The following GUCY1A1 variants were observed in gnomAD, a reference collection of about 807,000 sequenced individuals.
GUCY1A1 encodes guanylate cyclase soluble subunit alpha-1.
Under a neutral mutation model 64.5 loss-of-function variants are expected in GUCY1A1, and 48 were observed. The observed-to-expected ratio is 0.74, with a 90% CI of 0.59 to 0.95. GUCY1A1 has a LOEUF of 0.95. Among genes scored for constraint, GUCY1A1 ranks in the 40% least tolerant of loss-of-function variants. GUCY1A1 has a pLI of 0.00. For missense variants in GUCY1A1, 804 were observed against 825.3 expected (o/e 0.97, Z 0.32); for synonymous variants, 308 against 303.4 (o/e 1.02, Z -0.16).
At chr4:155,684,205 G>T (rs1389256114) in intron 2 of GUCY1A1, among the ~76,000 whole-genome samples, 4 of 152,310 alleles carry the variant, frequency 2.6e-5, no homozygotes, top group African/African-American at 7.2e-5. Flanking sequence ...GGCATTAAAA[G>T]AATATAGTTG....
At chr4:155,690,307 TTC>T (rs1398299235) in intron 2 of GUCY1A1, among the ~76,000 whole-genome samples, 1 of 152,162 alleles carries the variant, frequency 6.6e-6, no homozygotes. Flanking sequence ...GGCCTGCGGA[TTC>T]TCTCTCAGAA....
In GUCY1A1 at chr4:155,722,023, AT is replaced by A; in HGVS notation, c.1717-9del. Reference sequence around the variant, plus strand: ...TACCAGTGACTGGGAACATCATGTTATTTTTTGCTTTCAGATGCGAATTGGA... The same window carrying A: ...TACCAGTGACTGGGAACATCATGTTATTTTTGCTTTCAGATGCGAATTGGA... On this transcript the variant is annotated splice_polypyrimidine_tract_variant and intron_variant, in intron 8 of 9. Coordinates refer to ENST00000506455, the MANE Select transcript of GUCY1A1 (RefSeq NM_001130682.3). 1.3e-6 allele frequency: 2 copies of A among 1,570,346 alleles called. No homozygotes were observed.
intron 9 of GUCY1A1, among the ~76,000 whole-genome samples, chr4:155,727,653 G>A (rs71605262): frequency 0.038 from 5,750 of 151,128 alleles, 136 homozygotes; most frequent in Middle Eastern, 0.075. Flanking sequence ...ATACATTTTT[G>A]TATTTAATTT....
rs145099836 is a variant in GUCY1A1, at chr4:155,697,151, T to C, written c.255+29T>C. 2.5e-5 allele frequency: 38 copies of C among 1,550,282 alleles called. No homozygotes were observed. In the East Asian group the frequency reaches 8.1e-4, roughly 33 times the overall value. ...AGTGCGTGCTCTTTAGATTTTGAAA[T>C]TGTAATACTTTGAAATTGTAGAAGA... On this transcript the variant is annotated intron_variant, in intron 3 of 9. Transcript: ENST00000506455.
At position 155,682,366 on chromosome 4, in the gene GUCY1A1, A is replaced by T. The variant is rs1254408794; in HGVS notation, c.-112-14390A>T. The stretch of plus-strand genomic sequence containing the variant: ...TATTGTAGCCATTAGCTATTTAATA[A>T]AATTTCTTATATATACATAAGAAAA... On this transcript the variant is annotated intron_variant, in intron 2 of 9. Coordinates refer to ENST00000506455, the MANE Select transcript of GUCY1A1 (RefSeq NM_001130682.3). 2.0e-5 allele frequency among the ~76,000 whole-genome samples: 3 copies of T among 152,186 alleles called. No individual in the cohort carries two copies. In the East Asian group the frequency reaches 5.8e-4, roughly 29 times the overall value.
At chr4:155,729,215 A>G (rs17378851) in intron 9 of GUCY1A1, among the ~76,000 whole-genome samples, 5,756 of 151,874 alleles carry the variant, frequency 0.038, 139 homozygotes, top group Middle Eastern at 0.075. Flanking sequence ...TTGGTTGAGA[A>G]CCCACAGCCA....
intron 8 of GUCY1A1, among the ~76,000 whole-genome samples, chr4:155,721,650 AT>A (rs1439570937): frequency 6.6e-6 from 1 of 152,140 alleles, no homozygotes; most frequent in Non-Finnish European, 1.5e-5. Flanking sequence ...TGGGAAAATG[AT>A]TCCAGGAGTC....
intron 4 of GUCY1A1, among the ~76,000 whole-genome samples, chr4:155,707,604 TA>T (rs113865416): frequency 0.012 from 1,667 of 142,336 alleles, 10 homozygotes; most frequent in African/African-American, 0.032. Context: ...GATATAAAGG[TA>T]AAAAAAAAAA....
At chr4:155,669,610 A>C (rs1228975837) in intron 2 of GUCY1A1, among the ~76,000 whole-genome samples, 3 of 152,248 alleles carry the variant, frequency 2.0e-5, no homozygotes, top group East Asian at 3.9e-4. Flanking sequence ...TTGAAAAGCT[A>C]TTTTAATATT....
In GUCY1A1 at chr4:155,708,298, ATAGAATTGT is replaced by A. The variant is rs1732073783; in HGVS notation, c.376+6_376+14del. ...GCAGAGCAAGCAGTTGCAGCAGGTA[ATAGAATTGT>A]TTATGTAATTAGAAAGTATGCCATA... is the stretch of plus-strand genomic sequence containing the variant. On this transcript the variant is annotated splice_donor_5th_base_variant and intron_variant, in intron 5 of 9. Transcript: ENST00000506455. The A allele has an allele frequency of 1.0e-5, 15 of 1,495,766 alleles. No homozygotes were observed. The highest frequency in any genetic ancestry group is 1.7e-5 in the Admixed American group (1 of 59,220). The allele number at this position is 1,495,766 out of a possible 1,614,324, so 92.7% of individuals were successfully genotyped here. A position where few individuals can be genotyped will look rare whatever the true frequency, so the allele number is the denominator to read the frequency against.
Position 155,688,240 on chromosome 4 carries a change from CAAAA to C in GUCY1A1, c.-112-8504_-112-8501del, listed in dbSNP as rs879491708. On this transcript the variant is annotated intron_variant, in intron 2 of 9. Coordinates refer to ENST00000506455, the MANE Select transcript of GUCY1A1 (RefSeq NM_001130682.3). ...GAGACTCCTCAAACAAACAAACAAA[CAAAA>C]AAAAAAAAAAACTCATCATTACAGA... 6.9e-5 allele frequency among the ~76,000 whole-genome samples: 10 copies of C among 144,590 alleles called. No homozygotes were observed. In the South Asian group the frequency reaches 8.9e-4, roughly 13 times the overall value. The allele number at this position is 144,590 out of a possible 152,430, so 94.9% of individuals were successfully genotyped here. A position where few individuals can be genotyped will look rare whatever the true frequency, so the allele number is the denominator to read the frequency against.
Position 155,733,056 on chromosome 4 carries a change from T to C in GUCY1A1, c.*2825T>C, listed in dbSNP as rs1393443242. On this transcript the variant is annotated 3_prime_UTR_variant, in exon 10 of 10. Coordinates refer to ENST00000506455, the MANE Select transcript of GUCY1A1 (RefSeq NM_001130682.3). Reference sequence around the variant, plus strand: ...ACTTTGTAGGAAAATGCAAAGCGTATATTTAAGAAAACCTAAATAAGAATA... The same window carrying C: ...ACTTTGTAGGAAAATGCAAAGCGTACATTTAAGAAAACCTAAATAAGAATA... Among the ~76,000 whole-genome samples the C allele has an allele frequency of 6.6e-6, 1 of 151,908 alleles. No homozygotes were observed. Among genetic ancestry groups the C allele is most frequent in the East Asian group, 1.9e-4 (1 of 5,162 alleles).
At chr4:155,689,506 C>T (rs1359098452) in intron 2 of GUCY1A1, among the ~76,000 whole-genome samples, 1 of 151,770 alleles carries the variant, frequency 6.6e-6, no homozygotes, top group South Asian at 2.1e-4. Flanking sequence ...ATTTATAATC[C>T]CAAAGGTTTT....
intron 2 of GUCY1A1, among the ~76,000 whole-genome samples, chr4:155,687,195 C>T (rs569037005): frequency 8.5e-5 from 13 of 152,170 alleles, no homozygotes; most frequent in African/African-American, 2.6e-4. Flanking sequence ...ATGCAATGAG[C>T]ATTTACATTT....
At chr4:155,712,170 G>A (rs113744341) in intron 6 of GUCY1A1, among the ~76,000 whole-genome samples, 5,467 of 151,962 alleles carry the variant, frequency 0.036, 348 homozygotes, top group African/African-American at 0.12. Flanking sequence ...TTGCTCTGTC[G>A]CCCAGGCTGG....
Position 155,696,825 on chromosome 4 carries a change from C to T in GUCY1A1, c.-43C>T. Reference sequence around the variant, plus strand: ...TGTCAGTCTCATATAAGAACTACAGCTCATCAGGAGGAGATCGCAGCAGGG... The same window carrying T: ...TGTCAGTCTCATATAAGAACTACAGTTCATCAGGAGGAGATCGCAGCAGGG... On this transcript the variant is annotated 5_prime_UTR_variant, in exon 3 of 10. Transcript: ENST00000506455. 1 of 1,592,126 alleles carries T rather than the reference C, an allele frequency of 6.3e-7. No individual in the cohort carries two copies. The highest frequency in any genetic ancestry group is 8.6e-7 in the Non-Finnish European group (1 of 1,162,540).
Position 155,717,194 on chromosome 4 carries a change from G to A in GUCY1A1, c.1608G>A (p.Gly536=). Residue 536 remains glycine (G), a synonymous_variant, in exon 8 of 10, where the codon GGG becomes GGA. Transcript: ENST00000506455. ...TTGGCGATGCCTATTGTGTAGCTGG[G>A]GGATTACACAAAGAGAGTGATACTC... is the stretch of plus-strand genomic sequence containing the variant. ...ETIGDAYCVA[G]GLHKESDTHA... is the part of the protein sequence containing the mutation. 1 of 1,548,660 alleles carries A rather than the reference G, an allele frequency of 6.5e-7. No homozygotes were observed. The highest frequency in any genetic ancestry group is 8.8e-7 in the Non-Finnish European group (1 of 1,139,798).
At chr4:155,694,677 G>T (rs1041418787) in intron 2 of GUCY1A1, among the ~76,000 whole-genome samples, 2 of 152,056 alleles carry the variant, frequency 1.3e-5, no homozygotes, top group Admixed American at 6.6e-5. Flanking sequence ...GCAATGGTAG[G>T]GTTGAATACT....
Position 155,730,251 on chromosome 4 carries a change from T to A in GUCY1A1, c.*20T>A. 4.6e-6 allele frequency: 7 copies of A among 1,507,776 alleles called. No homozygotes were observed. In the South Asian group the frequency reaches 7.9e-5, roughly 17 times the overall value. The allele number at this position is 1,507,776 out of a possible 1,614,324, so 93.4% of individuals were successfully genotyped here. A position where few individuals can be genotyped will look rare whatever the true frequency, so the allele number is the denominator to read the frequency against. ...GATTAGCAACCTATATACCTATTTA[T>A]AAGTCTTTGGGGTTTGACTCATTGA... On this transcript the variant is annotated 3_prime_UTR_variant, in exon 10 of 10. Transcript: ENST00000506455.
Sources: gnomAD v4.1 joint callset for allele counts (sites outside exome capture counted in the v4.1 genomes callset) on GRCh38, gnomAD v4.1.1 for gene constraint, MANE v1.5 for transcripts, NCBI Gene and HGNC (gene_info 2026-07-23, HGNC 2026-07-21) for gene names.